Variants in TMEM184B observed in about 807,000 individuals in gnomAD.
TMEM184B encodes putative MAPK-activating protein FM08.
TMEM184B carries 17 observed loss-of-function variants against 41.8 expected under a neutral mutation model. The observed-to-expected ratio is 0.41, with a 90% CI of 0.28 to 0.61. TMEM184B has a LOEUF of 0.61. Among genes scored for constraint, TMEM184B ranks in the 20% least tolerant of loss-of-function variants. TMEM184B has a pLI of 0.34. For missense variants in TMEM184B, 393 were observed against 557.8 expected, an observed-to-expected ratio of 0.70 and a Z score of 2.98; for synonymous variants, 240 against 229.5, an observed-to-expected ratio of 1.05 and a Z score of -0.41.
At chr22:38,264,665 G>A (rs1185083567) in intron 1 of TMEM184B, among the ~76,000 whole-genome samples, 1 of 152,166 alleles carries the variant, frequency 6.6e-6, no homozygotes, top group Non-Finnish European at 1.5e-5. Flanking sequence ...ATGGAGGCGG[G>A]TCTCTGGAAG....
intron 5 of TMEM184B, 135 bp downstream of exon 5, chr22:38,230,534 G>A (rs2091582701): frequency 2.5e-6 from 2 of 804,258 alleles, no homozygotes; most frequent in South Asian, 3.1e-5. Context: ...AACAGCTTCG[G>A]GGGGTGGGTG....
At chr22:38,230,319 C>T (rs2091575144) in intron 5 of TMEM184B, among the ~76,000 whole-genome samples, 2 of 152,228 alleles carry the variant, frequency 1.3e-5, no homozygotes, top group African/African-American at 4.8e-5. Context: ...ATGCCAAAAC[C>T]CTCCTGCCCC....
rs1237490858 is a variant in TMEM184B, at chr22:38,225,653, C to T, written c.618-60G>A. 1.3e-6 allele frequency: 2 copies of T among 1,520,280 alleles called. No homozygotes were observed. The highest frequency in any genetic ancestry group is 1.4e-5 in the African/African-American group (1 of 70,176). The allele number at this position is 1,520,280 out of a possible 1,614,324, so 94.2% of individuals were successfully genotyped here. On this transcript the variant is annotated intron_variant, in intron 6 of 8. Transcript: ENST00000361906. This position sits in a 1 kb window ranked among gnomAD's most constrained non-coding sequence, Gnocchi z 4.4. Reference sequence around the variant, plus strand: ...ACCCTTGGAGGGAAGGGGCTCTCCTCGACTGCACCACACACAGTCCCCATG... The same window carrying T: ...ACCCTTGGAGGGAAGGGGCTCTCCTTGACTGCACCACACACAGTCCCCATG...
intron 3 of TMEM184B, among the ~76,000 whole-genome samples, chr22:38,242,094 T>C (rs1482936428): frequency 6.6e-6 from 1 of 152,016 alleles, no homozygotes; most frequent in Non-Finnish European, 1.5e-5. Flanking sequence ...GGGAGTTTCG[T>C]GTTTCAACCA....
rs2091446535 is a variant in TMEM184B at position 38,226,588 on chromosome 22, C to T, written c.617+191G>A. On this transcript the variant is annotated intron_variant, in intron 6 of 8. Coordinates refer to ENST00000361906, the MANE Select transcript of TMEM184B (RefSeq NM_012264.5). This position sits in a 1 kb window ranked among gnomAD's most constrained non-coding sequence, Gnocchi z 4.6. ...GAACGTGACTGCTGCCAATGGCTCACTCCGGGGCTGGCAGCGGGGCCAACT... is the reference window on the plus strand; with the variant it reads ...GAACGTGACTGCTGCCAATGGCTCATTCCGGGGCTGGCAGCGGGGCCAACT... 2 of 562,082 alleles carry T rather than the reference C, an allele frequency of 3.6e-6. No individual in the cohort carries two copies. Among genetic ancestry groups the T allele is most frequent in the South Asian group, 3.9e-5 (2 of 51,656 alleles). 34.8% of individuals were successfully genotyped at this position (562,082 alleles called of 1,614,324 possible).
At chr22:38,218,647 G>T (rs1469147332), downstream of TMEM184B, among the ~76,000 whole-genome samples, 1 of 152,190 alleles carries the variant, frequency 6.6e-6, no homozygotes, top group East Asian at 1.9e-4. Flanking sequence ...CCCTTCTCAG[G>T]TTGGGGCTCG....
intron 1 of TMEM184B, 77 bp from the exon 2 acceptor site, chr22:38,248,096 C>T (rs775641746): frequency 3.4e-6 from 5 of 1,449,354 alleles, no homozygotes; most frequent in Non-Finnish European, 3.6e-6. Context: ...CAGGTCTCTC[C>T]ACCCACCTCC....
In TMEM184B at chr22:38,273,009, G is replaced by A. The variant is rs140247848; in HGVS notation, c.-184C>T. The A allele has an allele frequency of 0.037, 6,372 of 170,672 alleles. 234 individuals carry two copies. Among genetic ancestry groups the A allele is most frequent in the Admixed American group, 0.14 (2,093 of 15,182 alleles). 10.6% of individuals were successfully genotyped at this position (170,672 alleles called of 1,614,324 possible). ...GCCGGCGCGTCCCGGGCCCAGTGGA[G>A]TGCAGCCGCGGCGCGCATGCGCTCT... On this transcript the variant is annotated 5_prime_UTR_variant, in exon 1 of 9. Coordinates refer to ENST00000361906, the MANE Select transcript of TMEM184B (RefSeq NM_012264.5).
In TMEM184B at chr22:38,265,957, G is replaced by C. The variant is rs139316970; in HGVS notation, c.-59+6927C>G. 3.0e-3 allele frequency among the ~76,000 whole-genome samples: 456 copies of C among 152,354 alleles called. 2 individuals carry two copies. Among genetic ancestry groups the C allele is most frequent in the African/African-American group, 0.011 (441 of 41,600 alleles). ...TTCTCAGCCACTTGCCAGCAGGAGA[G>C]GCCCCATTCTGGGTGCAGGCAGTCC... On this transcript the variant is annotated intron_variant, in intron 1 of 8. Coordinates refer to ENST00000361906, the MANE Select transcript of TMEM184B (RefSeq NM_012264.5).
At chr22:38,232,194 G>C (rs1437927748) in intron 3 of TMEM184B, 1 of 152,398 alleles carries the variant, frequency 6.6e-6, no homozygotes, top group African/African-American at 2.4e-5. Flanking sequence ...CTACAACAAA[G>C]CACACGGCAG....
At chr22:38,246,819 C>A in intron 2 of TMEM184B, 1 of 1,297,510 alleles carries the variant, frequency 7.7e-7, no homozygotes, top group Non-Finnish European at 1.0e-6. Context: ...AGTCCTCAGT[C>A]CAGGCAGCCC....
intron 3 of TMEM184B, among the ~76,000 whole-genome samples, chr22:38,240,716 G>A (rs905992033): frequency 7.0e-6 from 1 of 142,610 alleles, no homozygotes; most frequent in Non-Finnish European, 1.5e-5. Flanking sequence ...AAAGAGGAGA[G>A]GGGGGGAAAA....
intron 3 of TMEM184B, chr22:38,231,645 G>T (rs995204501): frequency 9.7e-6 from 5 of 512,902 alleles, no homozygotes; most frequent in African/African-American, 5.8e-5. Flanking sequence ...CTGAGGTAAG[G>T]GTGGGTACTC....
intron 1 of TMEM184B, among the ~76,000 whole-genome samples, chr22:38,272,273 G>C (rs2092535613): frequency 6.6e-6 from 1 of 152,190 alleles, no homozygotes; most frequent in Non-Finnish European, 1.5e-5. Context: ...AGGAGGAAAT[G>C]TACAATTCAC....
intron 1 of TMEM184B, among the ~76,000 whole-genome samples, chr22:38,257,452 T>C (rs1273397887): frequency 6.6e-6 from 1 of 152,158 alleles, no homozygotes; most frequent in Non-Finnish European, 1.5e-5. Context: ...CGTGTGCAGC[T>C]TCCTGTCCCA....
intron 3 of TMEM184B, among the ~76,000 whole-genome samples, chr22:38,243,218 A>C (rs1019499841): frequency 6.6e-6 from 1 of 152,178 alleles, no homozygotes; most frequent in Non-Finnish European, 1.5e-5. Flanking sequence ...CTCCCCGGGC[A>C]GGGAGGCAGG....
intron 1 of TMEM184B, among the ~76,000 whole-genome samples, chr22:38,249,018 CCTT>C (rs2092103622): frequency 6.6e-6 from 1 of 152,190 alleles, no homozygotes; most frequent in Non-Finnish European, 1.5e-5. Context: ...TGCCTGCACA[CCTT>C]CTCCAGTTCT....
Position 38,220,443 on chromosome 22 carries a change from G to A in TMEM184B, c.*1026C>T. The A allele has an allele frequency of 7.1e-6, 7 of 985,846 alleles. No individual in the cohort carries two copies. Among genetic ancestry groups the A allele is most frequent in the East Asian group, 1.1e-4 (1 of 8,808 alleles). The allele number at this position is 985,846 out of a possible 1,614,324, so 61.1% of individuals were successfully genotyped here. A position where few individuals can be genotyped will look rare whatever the true frequency, so the allele number is the denominator to read the frequency against. On this transcript the variant is annotated 3_prime_UTR_variant, in exon 9 of 9. Transcript: ENST00000361906. The stretch of plus-strand genomic sequence containing the variant: ...GAACACCAGGCCCTGTGTGGATAGG[G>A]GCCCCGAGAGGAGTCTGGGACCATT...
At chr22:38,227,919 T>C (rs998991539) in intron 5 of TMEM184B, among the ~76,000 whole-genome samples, 3 of 152,150 alleles carry the variant, frequency 2.0e-5, no homozygotes, top group African/African-American at 7.2e-5. Context: ...CACCATTATC[T>C]AGAAAGCAAA....
Sources: gnomAD v4.1 joint callset for allele counts (sites outside exome capture counted in the v4.1 genomes callset) on GRCh38, gnomAD v4.1.1 for gene constraint, Gnocchi (gnomAD v3.1) non-coding constraint, MANE v1.5 for transcripts, NCBI Gene and HGNC (gene_info 2026-07-23, HGNC 2026-07-21) for gene names.